Variants in CDKL4 observed in about 807,000 individuals in gnomAD.
The protein encoded by CDKL4 is cyclin dependent kinase like 4, also known as cyclin-dependent kinase-like 4.
A neutral mutation model predicts 42.0 loss-of-function variants in CDKL4; 44 were observed. The ratio of observed to expected loss-of-function variants is 1.05; its 90% CI spans 0.82 to 1.35. The LOEUF is 1.35. CDKL4 is among the 40% of genes most tolerant of loss of function. CDKL4 has a pLI of 0.00. For synonymous variants in CDKL4, 120 were observed against 121.6 expected (o/e 0.99, Z 0.09); for missense variants, 393 against 369.9 (o/e 1.06, Z -0.51).
the CDKL4 span, among the ~76,000 whole-genome samples, chr2:39,170,351 T>C: frequency 6.7e-6 from 1 of 150,100 alleles, no homozygotes; most frequent in Non-Finnish European, 1.5e-5. Flanking sequence ...CAAACACATA[T>C]GCAGAACATT....
intron 3 of CDKL4, among the ~76,000 whole-genome samples, chr2:39,220,994 T>TTTG (rs1678304295): frequency 2.2e-5 from 1 of 44,826 alleles, no homozygotes; most frequent in East Asian, 7.1e-4. Flanking sequence ...TTTTTTTTTT[T>TTTG]TTTTTTGTTT....
In CDKL4 at chr2:39,189,544, A is replaced by G. The variant is rs558399653; in HGVS notation, c.652+761T>C. On this transcript the variant is annotated intron_variant, in intron 6 of 9. Transcript: ENST00000451199. ...ATGTGTTAACATTATTCTAAACTTC[A>G]GCAGCCACCCCTAATCAGGAAGTAA... 7.2e-5 allele frequency among the ~76,000 whole-genome samples: 11 copies of G among 152,348 alleles called. 1 individual carries two copies. In the South Asian group the frequency reaches 2.3e-3, roughly 32 times the overall value.
At chr2:39,208,701 CTTTTTTTTTTTTTT>C (rs761337117) in intron 4 of CDKL4, among the ~76,000 whole-genome samples, 2 of 102,004 alleles carry the variant, frequency 2.0e-5, no homozygotes, top group African/African-American at 7.2e-5. Context: ...GACGGGCAAT[CTTTTTTTTTTTTTT>C]TTTTTTTGGC....
At chr2:39,211,123 A>G (rs990124867) in intron 4 of CDKL4, among the ~76,000 whole-genome samples, 1 of 152,180 alleles carries the variant, frequency 6.6e-6, no homozygotes, top group African/African-American at 2.4e-5. Context: ...AAAAGCTATC[A>G]TTGGCTGAGT....
At chr2:39,221,498 C>T (rs1255871691) in intron 3 of CDKL4, among the ~76,000 whole-genome samples, 3 of 152,096 alleles carry the variant, frequency 2.0e-5, no homozygotes, top group South Asian at 4.1e-4. Context: ...GAAGGGAGTA[C>T]AAGTAGATGA....
At chr2:39,176,055 G>T (rs759842749) in exon 10 of CDKL4, 3 of 470,740 alleles carry the variant, frequency 6.4e-6, no homozygotes, top group South Asian at 1.6e-5. Flanking sequence ...CATCAGGTGT[G>T]GGGGAGATGT....
chr2:39,175,730 C>T (rs1156538619), exon 10 of CDKL4: 4 of 197,106 alleles, frequency 2.0e-5, no homozygotes, highest in Admixed American at 5.4e-5. Flanking sequence ...TAGATAGCCT[C>T]GGGAGGGGCT....
chr2:39,240,712 GC>G (rs1370371072), intron 1 of CDKL4, among the ~76,000 whole-genome samples: 4 of 147,040 alleles, frequency 2.7e-5, no homozygotes, highest in Non-Finnish European at 4.5e-5. Context: ...AGAACCACAT[GC>G]CCCAAAACAT....
chr2:39,206,725 C>G (rs555660327), intron 4 of CDKL4, among the ~76,000 whole-genome samples: 1 of 152,318 alleles, frequency 6.6e-6, no homozygotes, highest in South Asian at 2.1e-4. Context: ...ATTATTTCAT[C>G]CTTGCAACAA....
At position 39,229,355 on chromosome 2, in the gene CDKL4, GTTAAC is replaced by G. The variant is rs1292599562; in HGVS notation, c.168+5_168+9del. On this transcript the variant is annotated splice_donor_5th_base_variant and intron_variant, in intron 2 of 9. Coordinates refer to ENST00000451199, the Ensembl canonical transcript of CDKL4. ...CCATGATATTTTACATATATATAAA[GTTAAC>G]TTACCTTCAACATACGTATTTCTCT... 6.5e-7 allele frequency: 1 copy of G among 1,548,378 alleles called. No individual in the cohort carries two copies. Among genetic ancestry groups the G allele is most frequent in the Admixed American group, 2.0e-5 (1 of 50,670 alleles).
chr2:39,182,884 T>C (rs1248457130), intron 8 of CDKL4, among the ~76,000 whole-genome samples: 2 of 152,222 alleles, frequency 1.3e-5, no homozygotes, highest in Non-Finnish European at 2.9e-5. Flanking sequence ...TCCTTGACTC[T>C]GCCATTGCCA....
At chr2:39,197,327 T>C (rs778974381) in intron 5 of CDKL4, among the ~76,000 whole-genome samples, 1 of 152,114 alleles carries the variant, frequency 6.6e-6, no homozygotes, top group Non-Finnish European at 1.5e-5. Context: ...AGAAGTTTGG[T>C]ATTATGTTTA....
chr2:39,209,625 T>G (rs1040476589), intron 4 of CDKL4, among the ~76,000 whole-genome samples: 5 of 152,194 alleles, frequency 3.3e-5, no homozygotes, highest in African/African-American at 1.2e-4. Context: ...GTGATCTCTA[T>G]GAACCATAGT....
chr2:39,203,938 C>A (rs1040295442), intron 5 of CDKL4, among the ~76,000 whole-genome samples: 5 of 152,226 alleles, frequency 3.3e-5, no homozygotes, highest in Admixed American at 2.6e-4. Context: ...ATTATGTCCA[C>A]ACCCAGACTG....
intron 8 of CDKL4, among the ~76,000 whole-genome samples, chr2:39,180,359 C>T (rs754574485): frequency 3.9e-5 from 6 of 152,254 alleles, no homozygotes; most frequent in Non-Finnish European, 7.3e-5. Context: ...CAGACAATTG[C>T]GTTGCCTGAG....
intron 9 of CDKL4, among the ~76,000 whole-genome samples, chr2:39,177,434 T>G (rs1290772017): frequency 1.6e-4 from 24 of 150,806 alleles, no homozygotes; most frequent in Admixed American, 1.6e-3. Flanking sequence ...GATGGAGTCT[T>G]GCTCTTGTCG....
intron 3 of CDKL4, among the ~76,000 whole-genome samples, chr2:39,214,865 A>G (rs1326857358): frequency 6.6e-6 from 1 of 152,170 alleles, no homozygotes; most frequent in African/African-American, 2.4e-5. Context: ...CTGTATAGAA[A>G]ATACTGGGAA....
In CDKL4 at chr2:39,181,402, A is replaced by G. The variant is rs1340500137; in HGVS notation, c.793-2081T>C. 2.0e-5 allele frequency among the ~76,000 whole-genome samples: 3 copies of G among 152,060 alleles called. No homozygotes were observed. In the South Asian group the frequency reaches 6.2e-4, roughly 31 times the overall value. ...GATCTCTTTGCTGCCTATGGCTTCA[A>G]TTATCAAAGTTTACCAGAGATTTCC... On this transcript the variant is annotated intron_variant, in intron 8 of 9. Coordinates refer to ENST00000451199, the Ensembl canonical transcript of CDKL4.
chr2:39,208,884 G>A (rs1254293981), intron 4 of CDKL4, among the ~76,000 whole-genome samples: 1 of 151,812 alleles, frequency 6.6e-6, no homozygotes, highest in Admixed American at 6.6e-5. Context: ...TTCTCTTTGA[G>A]CCTTAGGCAT....
Sources: gnomAD v4.1 joint callset for allele counts (sites outside exome capture counted in the v4.1 genomes callset) on GRCh38, gnomAD v4.1.1 for gene constraint, MANE v1.5 for transcripts, NCBI Gene and HGNC (gene_info 2026-07-23, HGNC 2026-07-21) for gene names.